The following DMD variants were observed in gnomAD, a reference collection of about 807,000 sequenced individuals.
DMD encodes the protein mutant dystrophin.
Under a neutral mutation model 330.1 loss-of-function variants are expected in DMD, and 63 were observed. That is an observed-to-expected ratio of 0.19 (90% CI 0.16 to 0.24). The LOEUF (loss-of-function observed/expected upper bound fraction) is 0.24. Ranked by LOEUF, DMD falls within the 10% of genes least tolerant of loss-of-function variation. The probability of loss-of-function intolerance (pLI) is 1.00; values close to 1 mark genes in which losing one functional copy is unlikely to be tolerated. For missense variants in DMD, 3,344 were observed against 2,684.1 expected (o/e 1.25, Z -5.43); for synonymous variants, 1,223 against 959.8 (o/e 1.27, Z -5.07).
At chrX:32,357,096 CCAGGTTGATCTTCAACTCCTGACGT>C (rs1474540768) in intron 37 of DMD, among the ~76,000 whole-genome samples, 1 of 111,304 alleles carries the variant, frequency 9.0e-6, no homozygotes, top group African/African-American at 3.3e-5. Context: ...GCCATGTTGG[CCAGGTTGATCTTCAACTCCTGACGT>C]CAGGTGATCT....
intron 9 of DMD, among the ~76,000 whole-genome samples, chrX:32,688,254 T>G (rs1030994044): frequency 9.0e-6 from 1 of 111,521 alleles, no homozygotes; most frequent in South Asian, 3.7e-4. Flanking sequence ...AAATTGACTC[T>G]ATTTTTGTAA....
intron 2 of DMD, among the ~76,000 whole-genome samples, chrX:32,976,483 A>G (rs1371101638): frequency 2.7e-5 from 3 of 111,996 alleles, no homozygotes; most frequent in Non-Finnish European, 3.8e-5. Flanking sequence ...AATTTTACAT[A>G]TAAATACAAA....
At chrX:33,135,685 G>A (rs991706472) in intron 1 of DMD, among the ~76,000 whole-genome samples, 1 of 111,699 alleles carries the variant, frequency 9.0e-6, no homozygotes, top group Non-Finnish European at 1.9e-5. Context: ...TTAGAATTCC[G>A]GCTCCATTTT....
chrX:31,433,218 G>A (rs1347824355), intron 60 of DMD, among the ~76,000 whole-genome samples: 1 of 111,742 alleles, frequency 8.9e-6, no homozygotes, highest in Non-Finnish European at 1.9e-5. Flanking sequence ...TTGCTACAGA[G>A]GACATGATTT....
intron 43 of DMD, among the ~76,000 whole-genome samples, chrX:32,240,943 T>A (rs2097206184): frequency 9.0e-6 from 1 of 111,589 alleles, no homozygotes; most frequent in Non-Finnish European, 1.9e-5. Flanking sequence ...TATATGGCCT[T>A]CTAAAACACC....
At position 33,267,757 on chromosome X, in the gene DMD, C is replaced by T. The variant is rs757924231; in HGVS notation, c.7+71502G>A. On this transcript the variant is annotated intron_variant, in intron 1 of 17. Transcript: ENST00000288447. ...AAAACACAGAAATAAAGCCATACACCTTCAACCAGCCTTCGACAAGGCTGG... is the reference window on the plus strand; with the variant it reads ...AAAACACAGAAATAAAGCCATACACTTTCAACCAGCCTTCGACAAGGCTGG... Among the ~76,000 whole-genome samples, 100 of 110,693 alleles carry T rather than the reference C, an allele frequency of 9.0e-4. 3 individuals are homozygous for T. The highest frequency in any genetic ancestry group is 5.5e-4 in the Non-Finnish European group (29 of 52,832).
intron 2 of DMD, among the ~76,000 whole-genome samples, chrX:32,983,170 C>A (rs1282803885): frequency 9.0e-6 from 1 of 110,740 alleles, no homozygotes; most frequent in Non-Finnish European, 1.9e-5. Flanking sequence ...ACTGAAGTAA[C>A]CCTTATCTTT....
At chrX:33,183,146 A>C (rs1033644320) in intron 1 of DMD, among the ~76,000 whole-genome samples, 54 of 112,195 alleles carry the variant, frequency 4.8e-4, no homozygotes, top group Non-Finnish European at 9.8e-4. Flanking sequence ...ATTAAATAAG[A>C]AAATAAAATT....
rs1440249800 is a variant in DMD at position 33,009,284 on chromosome X, ATGTGTG to A, written c.93+10849_93+10854del. Among the ~76,000 whole-genome samples the A allele has an allele frequency of 4.9e-3, 273 of 55,877 alleles. 44 individuals are homozygous for A. The highest frequency in any genetic ancestry group is 9.6e-3 in the African/African-American group (150 of 15,618). 48.5% of individuals were successfully genotyped at this position (55,877 alleles called of 115,157 possible). A position where few individuals can be genotyped will look rare whatever the true frequency, so the allele number is the denominator to read the frequency against. ...TGTGTGTATATATACACATATGTGT[ATGTGTG>A]TATATGTGTATATACACATGTGTGT... is the stretch of plus-strand genomic sequence containing the variant. On this transcript the variant is annotated intron_variant, in intron 2 of 78. Transcript: ENST00000357033.
intron 2 of DMD, among the ~76,000 whole-genome samples, chrX:32,861,182 C>A (rs971913075): frequency 1.5e-4 from 17 of 112,005 alleles, no homozygotes; most frequent in African/African-American, 5.5e-4. Context: ...CTTAGTATGG[C>A]ACTTTGTAAG....
intron 7 of DMD, among the ~76,000 whole-genome samples, chrX:32,720,668 T>A (rs770328027): frequency 1.8e-5 from 2 of 111,897 alleles, no homozygotes; most frequent in East Asian, 5.6e-4. Context: ...AGATAAATAT[T>A]AGAAAGGGTT....
intron 60 of DMD, among the ~76,000 whole-genome samples, chrX:31,428,736 C>G (rs1440783236): frequency 1.8e-5 from 2 of 112,461 alleles, no homozygotes; most frequent in Non-Finnish European, 3.8e-5. Flanking sequence ...ACGCTAAGAT[C>G]TATTCTTAGG....
rs777119949 is a variant in DMD, at chrX:32,931,066, G to A, written c.94-81246C>T. 9.4e-5 allele frequency among the ~76,000 whole-genome samples: 10 copies of A among 106,427 alleles called. No individual in the cohort carries two copies. The South Asian group carries it at 3.9e-3, about 42-fold the overall frequency. The allele number at this position is 106,427 out of a possible 115,157, so 92.4% of individuals were successfully genotyped here. ...ATATATTTCATATATGTTAAATTAT[G>A]CATTTTATCTTATTACATATTATAT... On this transcript the variant is annotated intron_variant, in intron 2 of 78. Transcript: ENST00000357033.
At chrX:32,070,454 G>A (rs1297667520) in intron 44 of DMD, among the ~76,000 whole-genome samples, 1 of 111,060 alleles carries the variant, frequency 9.0e-6, no homozygotes, top group African/African-American at 3.3e-5. Context: ...TACAAAGTAA[G>A]TCTCTGTCAC....
chrX:31,721,716 CTCTATA>C (rs1207988394), intron 52 of DMD, among the ~76,000 whole-genome samples: 72 of 53,404 alleles, frequency 1.3e-3, no homozygotes, highest in Non-Finnish European at 2.1e-3. Flanking sequence ...CTCTCTCTCT[CTCTATA>C]TATATATATA....
intron 11 of DMD, among the ~76,000 whole-genome samples, chrX:32,622,861 C>A (rs2058090286): frequency 8.9e-6 from 1 of 111,840 alleles, no homozygotes; most frequent in Non-Finnish European, 1.9e-5. Flanking sequence ...TCGAAGAATT[C>A]AGTTCTAACC....
intron 59 of DMD, among the ~76,000 whole-genome samples, chrX:31,450,613 G>T (rs778334750): frequency 5.3e-5 from 6 of 112,327 alleles, no homozygotes; most frequent in Non-Finnish European, 1.1e-4. Context: ...TGTAGGTACA[G>T]CTTTTCTTTC....
chrX:32,421,951 T>A (rs1042464394), intron 29 of DMD, among the ~76,000 whole-genome samples: 4 of 111,291 alleles, frequency 3.6e-5, no homozygotes, highest in Non-Finnish European at 7.6e-5. Flanking sequence ...ATAATGAGGA[T>A]CCTAGTGATG....
intron 47 of DMD, among the ~76,000 whole-genome samples, chrX:31,899,354 A>AT (rs2094391992): frequency 1.9e-5 from 2 of 106,568 alleles, no homozygotes. Context: ...TTTTTTAACC[A>AT]TTTTTGGCCA....
Sources: allele counts gnomAD v4.1 joint callset (sites outside exome capture counted in the v4.1 genomes callset), GRCh38; gene constraint gnomAD v4.1.1; transcripts MANE v1.5; gene names NCBI Gene and HGNC (gene_info 2026-07-23, HGNC 2026-07-21).